Variants in SULF1 observed in about 807,000 individuals in gnomAD.
SULF1 encodes sulfatase 1.
Under a neutral mutation model 110.5 loss-of-function variants are expected in SULF1, and 46 were observed. The observed-to-expected ratio is 0.42, with a 90% CI of 0.33 to 0.53. The LOEUF is 0.53. Among genes scored for constraint, SULF1 ranks in the 20% least tolerant of loss-of-function variants. SULF1 has a pLI of 0.12. For missense variants in SULF1, 941 were observed against 1,094.2 expected (o/e 0.86, Z 1.98); for synonymous variants, 371 against 387.1 (o/e 0.96, Z 0.49).
chr8:69,585,696 C>G (rs545360200), intron 6 of SULF1, among the ~76,000 whole-genome samples: 1 of 152,086 alleles, frequency 6.6e-6, no homozygotes, highest in Non-Finnish European at 1.5e-5. Context: ...AATTAGTAAT[C>G]TATGTAGTAA....
At chr8:69,617,493 T>G (rs575473489) in intron 13 of SULF1, among the ~76,000 whole-genome samples, 1 of 143,960 alleles carries the variant, frequency 6.9e-6, no homozygotes, top group East Asian at 2.1e-4. Context: ...GTTCTTGAAC[T>G]CCTGGGCTCA....
chr8:69,593,090 C>A (rs1238968190), intron 8 of SULF1: 1 of 458,438 alleles, frequency 2.2e-6, no homozygotes, highest in Non-Finnish European at 2.9e-6. Flanking sequence ...TTTTGTGCAC[C>A]TAGAATGTGG....
At chr8:69,559,516 A>T (rs1815330373) in intron 3 of SULF1, among the ~76,000 whole-genome samples, 1 of 152,258 alleles carries the variant, frequency 6.6e-6, no homozygotes. Context: ...TTCTAATTTT[A>T]ACTTGAAAGG....
intron 22 of SULF1, among the ~76,000 whole-genome samples, chr8:69,641,675 T>C (rs1811483129): frequency 6.6e-6 from 1 of 151,914 alleles, no homozygotes; most frequent in Admixed American, 6.6e-5. Flanking sequence ...GCCCAGGAGG[T>C]TGAGGCTGCA....
chr8:69,475,691 C>G (rs1809274780), intron 1 of SULF1, among the ~76,000 whole-genome samples: 1 of 152,128 alleles, frequency 6.6e-6, no homozygotes, highest in African/African-American at 2.4e-5. Flanking sequence ...TATCTGTGAA[C>G]AGACTACACT....
intron 22 of SULF1, among the ~76,000 whole-genome samples, chr8:69,649,679 A>G (rs1409827557): frequency 2.6e-5 from 4 of 152,036 alleles, no homozygotes; most frequent in Non-Finnish European, 4.4e-5. Context: ...GGTTTGTCTG[A>G]TGTTTCATCA....
chr8:69,510,605 G>C (rs1242540994), intron 3 of SULF1, among the ~76,000 whole-genome samples: 1 of 133,208 alleles, frequency 7.5e-6, no homozygotes, highest in Non-Finnish European at 1.6e-5. Context: ...TGGGTTTTTT[G>C]GTGGGTTTTT....
rs759476751 is a variant in SULF1, at chr8:69,589,161, C to G, written c.734+20C>G. The G allele has an allele frequency of 3.1e-6, 5 of 1,606,622 alleles. No homozygotes were observed. The highest frequency in any genetic ancestry group is 4.3e-6 in the Non-Finnish European group (5 of 1,174,576). On this transcript the variant is annotated intron_variant, in intron 8 of 22. Transcript: ENST00000402687. ...ACACATGTAAGTAACAAACTCAACTCTGCGACCTGCCGAACATGCCTTTCC... is the reference window on the plus strand; with the variant it reads ...ACACATGTAAGTAACAAACTCAACTGTGCGACCTGCCGAACATGCCTTTCC...
intron 2 of SULF1, among the ~76,000 whole-genome samples, chr8:69,501,303 G>C (rs942043318): frequency 1.3e-5 from 2 of 152,068 alleles, no homozygotes; most frequent in African/African-American, 4.8e-5. Flanking sequence ...TGCTTCATTT[G>C]ATACTTAAAA....
intron 8 of SULF1, among the ~76,000 whole-genome samples, chr8:69,595,385 A>T (rs894885210): frequency 6.6e-6 from 1 of 152,264 alleles, no homozygotes; most frequent in Non-Finnish European, 1.5e-5. Flanking sequence ...TTCTAACTTC[A>T]TTAAAAGACT....
At chr8:69,531,805 C>T (rs571735538) in intron 3 of SULF1, among the ~76,000 whole-genome samples, 88 of 152,240 alleles carry the variant, frequency 5.8e-4, no homozygotes, top group African/African-American at 1.9e-3. Flanking sequence ...ATTTCCAAGA[C>T]GACCTTTTCC....
intron 3 of SULF1, chr8:69,563,262 C>T (rs964888047): frequency 6.6e-6 from 1 of 152,198 alleles, no homozygotes; most frequent in Non-Finnish European, 1.5e-5. Flanking sequence ...ATCGTCAGCT[C>T]TGTTGGGGAT....
At chr8:69,514,744 C>T (rs1224460191) in intron 3 of SULF1, among the ~76,000 whole-genome samples, 1 of 152,158 alleles carries the variant, frequency 6.6e-6, no homozygotes, top group Admixed American at 6.5e-5. Context: ...AGCCAGGGTA[C>T]AGGTATTGGG....
chr8:69,539,325 T>C (rs1813699617), intron 3 of SULF1, among the ~76,000 whole-genome samples: 1 of 152,220 alleles, frequency 6.6e-6, no homozygotes, highest in African/African-American at 2.4e-5. Context: ...ACCAGGGCTC[T>C]GTGAAAAAGG....
chr8:69,543,406 C>G (rs1813997885), intron 3 of SULF1, among the ~76,000 whole-genome samples: 1 of 146,366 alleles, frequency 6.8e-6, no homozygotes, highest in Non-Finnish European at 1.5e-5. Context: ...TTAGTGTGTG[C>G]TGTTTCCCTC....
intron 3 of SULF1, among the ~76,000 whole-genome samples, chr8:69,523,122 G>A (rs1386470982): frequency 6.6e-6 from 1 of 152,200 alleles, no homozygotes; most frequent in Non-Finnish European, 1.5e-5. Flanking sequence ...TGCTGGAGCT[G>A]TGGTTCTGAA....
rs577743083 is a variant in SULF1 at position 69,573,987 on chromosome 8, G to A, written c.173-1983G>A. Among the ~76,000 whole-genome samples, 12 of 152,218 alleles carry A rather than the reference G, an allele frequency of 7.9e-5. No individual in the cohort carries two copies. The South Asian group carries it at 2.5e-3, about 32-fold the overall frequency. ...CTCTGTGTCAGAGGCATAGTCGTCC[G>A]AGTTCTTCTTTCCTCAGGGGTAGAC... On this transcript the variant is annotated intron_variant, in intron 5 of 22. Transcript: ENST00000402687.
intron 3 of SULF1, among the ~76,000 whole-genome samples, chr8:69,541,426 G>A (rs755811924): frequency 7.9e-5 from 12 of 152,190 alleles, no homozygotes; most frequent in South Asian, 2.1e-4. Flanking sequence ...CAGAAAAACC[G>A]AGGCAGTGGA....
intron 15 of SULF1, among the ~76,000 whole-genome samples, chr8:69,626,985 G>T (rs117003096): frequency 0.017 from 2,564 of 152,368 alleles, 35 homozygotes; most frequent in Non-Finnish European, 0.022. Context: ...CAGAGGAGGC[G>T]CGGAGAGCGA....
Sources: gnomAD v4.1 joint callset for allele counts (sites outside exome capture counted in the v4.1 genomes callset) on GRCh38, gnomAD v4.1.1 for gene constraint, MANE v1.5 for transcripts, NCBI Gene and HGNC (gene_info 2026-07-23, HGNC 2026-07-21) for gene names.